The following PODNL1 variants were observed in gnomAD, a reference collection of about 807,000 sequenced individuals.
The protein encoded by PODNL1 is podocan like 1.
In PODNL1, 50 loss-of-function variants were observed where a neutral mutation model predicts 45.1. That is an observed-to-expected ratio of 1.11 (90% confidence interval 0.88 to 1.40). The LOEUF is 1.40. Among genes scored for constraint, PODNL1 ranks in the 40% most tolerant of loss-of-function variants. The probability of loss-of-function intolerance (pLI) is 0.00; values close to 1 mark genes in which losing one functional copy is unlikely to be tolerated. For synonymous variants in PODNL1, 406 were observed against 372.5 expected, an observed-to-expected ratio of 1.09 and a Z score of -1.04; for missense variants, 788 against 793.3, an observed-to-expected ratio of 0.99 and a Z score of 0.08.
chr19:13,941,755 G>A (rs1374264645), upstream of PODNL1, among the ~76,000 whole-genome samples: 1 of 152,204 alleles, frequency 6.6e-6, no homozygotes, highest in Non-Finnish European at 1.5e-5. Context: ...GGAGGTTGCA[G>A]TGAGCCGAGA....
chr19:13,950,691 G>C (rs553460632), intron 1 of PODNL1, among the ~76,000 whole-genome samples: 7 of 152,304 alleles, frequency 4.6e-5, no homozygotes, highest in African/African-American at 1.7e-4. Context: ...CTGTCTTGGA[G>C]ACAGCTTTGC....
At chr19:13,952,664 T>C (rs1452325576) in intron 1 of PODNL1, 2 of 994,484 alleles carry the variant, frequency 2.0e-6, no homozygotes, top group Non-Finnish European at 2.4e-6. Flanking sequence ...GGAGCCGGAG[T>C]GGGGAGCGCG....
Position 13,934,526 on chromosome 19 carries a change from T to TGC in PODNL1, c.495-118_495-117dup, listed in dbSNP as rs57996657. 7.6e-3 allele frequency: 6,824 copies of TGC among 897,390 alleles called. 115 individuals carry two copies. The highest frequency in any genetic ancestry group is 0.034 in the East Asian group (1,120 of 32,872). 55.6% of individuals were successfully genotyped at this position (897,390 alleles called of 1,614,324 possible). A position where few individuals can be genotyped will look rare whatever the true frequency, so the allele number is the denominator to read the frequency against. ...GTGTGTGTGTGTGTGTGTGTGTGTG[T>TGC]GCGCGCGCATGTGTGGAGTCTGTGT... On this transcript the variant is annotated intron_variant, in intron 5 of 9. Transcript: ENST00000588872.
chr19:13,940,883 C>CAAACAAAACAAAACA (rs57838976), upstream of PODNL1, among the ~76,000 whole-genome samples: 2 of 151,430 alleles, frequency 1.3e-5, no homozygotes, highest in African/African-American at 4.9e-5. Context: ...GACTCTGTCT[C>CAAACAAAACAAAACA]AAACAAAACA....
chr19:13,933,467 G>A lies in PODNL1; in HGVS notation c.768-12C>T, dbSNP rs1377140262. 10 of 1,548,626 alleles carry A rather than the reference G, an allele frequency of 6.5e-6. No homozygotes were observed. The highest frequency in any genetic ancestry group is 7.8e-6 in the Non-Finnish European group (9 of 1,149,956). On this transcript the variant is annotated splice_polypyrimidine_tract_variant and intron_variant, in intron 7 of 9. Transcript: ENST00000588872. The surrounding 1 kb of genome is among the most constrained non-coding windows in gnomAD (Gnocchi z 5.2). ...GGCTATGCAGCTTGCTGGAAGGAGA[G>A]AGGGTCGGTGTTAGGTGGGGCACTT...
upstream of PODNL1, among the ~76,000 whole-genome samples, chr19:13,942,908 G>A (rs918182371): frequency 2.0e-5 from 3 of 152,106 alleles, no homozygotes; most frequent in Non-Finnish European, 2.9e-5. Context: ...GGCTGAGGCA[G>A]GAGAATCGCT....
In PODNL1 at chr19:13,933,257, G is replaced by A. The variant is rs759960334; in HGVS notation, c.966C>T (p.Pro322=). ...CCCGCAGCGGCCGCAGAGCCCCGGC[G>A]GGCAGCCCTGAGCTCCCCAGCTGGT... The part of the protein sequence containing the change: ...QHNQLGSSGL[P]AGALRPLRGL... The change falls in exon 8 of 10, where the codon CCC becomes CCT. Residue 322 remains proline, a synonymous_variant. Coordinates refer to ENST00000588872, the MANE Select transcript of PODNL1 (RefSeq NM_001370095.3). This position sits in a 1 kb window ranked among gnomAD's most constrained non-coding sequence, Gnocchi z 5.2. 9.7e-6 allele frequency: 15 copies of A among 1,554,230 alleles called. No individual in the cohort carries two copies. Among genetic ancestry groups the A allele is most frequent in the African/African-American group, 4.1e-5 (3 of 73,906 alleles).
chr19:13,952,684 G>A (rs1973110786), intron 1 of PODNL1: 1 of 1,295,546 alleles, frequency 7.7e-7, no homozygotes, highest in East Asian at 3.1e-5. Context: ...GCCGGAGGGT[G>A]GGGAGTAGGG....
In PODNL1 at chr19:13,937,736, C is replaced by T. The variant is rs1048662596; in HGVS notation, c.225+49G>A. ...TGGGGCACCCCTCCAGCTCCCCTCA[C>T]CACTGGGTCTCAGCCCTGCATGCCC... On this transcript the variant is annotated intron_variant, in intron 2 of 9. Coordinates refer to ENST00000588872, the MANE Select transcript of PODNL1 (RefSeq NM_001370095.3). 2.0e-6 allele frequency: 3 copies of T among 1,520,772 alleles called. No individual in the cohort carries two copies. The East Asian group carries it at 7.4e-5, about 37-fold the overall frequency. The allele number at this position is 1,520,772 out of a possible 1,614,324, so 94.2% of individuals were successfully genotyped here. A position where few individuals can be genotyped will look rare whatever the true frequency, so the allele number is the denominator to read the frequency against.
rs2305778 is a variant in PODNL1 at position 13,933,474 on chromosome 19, G to A, written c.768-19C>T. 0.07 allele frequency: 107,220 copies of A among 1,533,248 alleles called. 4,235 individuals carry two copies. The highest frequency in any genetic ancestry group is 0.13 in the South Asian group (10,657 of 81,374). 95.0% of individuals were successfully genotyped at this position (1,533,248 alleles called of 1,614,324 possible). The stretch of plus-strand genomic sequence containing the variant: ...CAGCTTGCTGGAAGGAGAGAGGGTC[G>A]GTGTTAGGTGGGGCACTTGGAGTGG... On this transcript the variant is annotated intron_variant, in intron 7 of 9. Coordinates refer to ENST00000588872, the MANE Select transcript of PODNL1 (RefSeq NM_001370095.3). The surrounding 1 kb of genome is among the most constrained non-coding windows in gnomAD (Gnocchi z 5.2).
chr19:13,950,904 G>A (rs1345269062), intron 1 of PODNL1, among the ~76,000 whole-genome samples: 1 of 151,872 alleles, frequency 6.6e-6, no homozygotes, highest in Non-Finnish European at 1.5e-5. Context: ...GATTAGCCGG[G>A]CATGGTGGCA....
At chr19:13,936,280 C>T (rs535410581) in intron 3 of PODNL1, 87 bp downstream of exon 3, 19 of 1,322,568 alleles carry the variant, frequency 1.4e-5, no homozygotes, top group African/African-American at 1.0e-4. Flanking sequence ...CAGAGCTGCC[C>T]GCAGATGGGG....
chr19:13,942,115 T>C (rs557721190), upstream of PODNL1, among the ~76,000 whole-genome samples: 130 of 152,226 alleles, frequency 8.5e-4, no homozygotes, highest in African/African-American at 3.0e-3. Flanking sequence ...AACCAAGATG[T>C]TTGAGTTCCG....
intron 1 of PODNL1, among the ~76,000 whole-genome samples, chr19:13,951,013 C>T (rs1972994419): frequency 7.1e-6 from 1 of 141,222 alleles, no homozygotes; most frequent in Admixed American, 7.5e-5. Context: ...TGTGCCATTG[C>T]ACTCCAGCCT....
chr19:13,935,058 G>A (rs1281237902), intron 5 of PODNL1, among the ~76,000 whole-genome samples: 1 of 151,792 alleles, frequency 6.6e-6, no homozygotes, highest in African/African-American at 2.4e-5. Context: ...GAGTCTGTGT[G>A]TGTGCTTGTG....
At chr19:13,936,195 G>A in intron 3 of PODNL1, 151 bp from the exon 4 acceptor site, 4 of 949,734 alleles carry the variant, frequency 4.2e-6, no homozygotes, top group Non-Finnish European at 4.8e-6. Flanking sequence ...CTACTCAAAA[G>A]CCACAGCCCC....
rs754367853 is a variant in PODNL1, at chr19:13,933,097, C to T, written c.1126G>A (p.Gly376Ser). ...LGARDLVATP[G>S]LTELNLAYNR... ...TAGGCCAGGTTAAGCTCCGTCAGGC[C>T]CGGTGTGGCGACCAGGTCACGGGCA... Residue 376 changes from glycine (G) to serine (S), a missense_variant, in exon 8 of 10, where the codon GGC becomes AGC. Gly to Ser is a moderately conservative substitution (Grantham distance 56). Around this residue, in one of 3 missense-constraint regions of PODNL1, gnomAD observed 762 missense variants for 750.9 expected, o/e 1.01. Coordinates refer to ENST00000588872, the MANE Select transcript of PODNL1 (RefSeq NM_001370095.3). The surrounding 1 kb of genome is among the most constrained non-coding windows in gnomAD (Gnocchi z 5.2). 3.9e-6 allele frequency: 6 copies of T among 1,529,838 alleles called. No homozygotes were observed. In the African/African-American group the frequency reaches 8.2e-5, roughly 21 times the overall value. The allele number at this position is 1,529,838 out of a possible 1,614,324, so 94.8% of individuals were successfully genotyped here. A position where few individuals can be genotyped will look rare whatever the true frequency, so the allele number is the denominator to read the frequency against.
upstream of PODNL1, chr19:13,938,559 G>A (rs1226748146): frequency 2.4e-6 from 2 of 850,630 alleles, no homozygotes; most frequent in East Asian, 1.6e-4. Flanking sequence ...GCAGGAGTAG[G>A]GGTGGGGATG....
chr19:13,937,586 G>C (rs1028790180), intron 2 of PODNL1, among the ~76,000 whole-genome samples, 199 bp downstream of exon 2: 1 of 151,942 alleles, frequency 6.6e-6, no homozygotes, highest in Admixed American at 6.6e-5. Flanking sequence ...CTTCCAGCAT[G>C]TCCACGCTCA....
Sources: gnomAD v4.1 joint callset for allele counts (sites outside exome capture counted in the v4.1 genomes callset) on GRCh38, gnomAD v4.1.1 for gene constraint, gnomAD v4.1.1 regional missense constraint, Gnocchi (gnomAD v3.1) non-coding constraint, MANE v1.5 for transcripts, NCBI Gene and HGNC (gene_info 2026-07-23, HGNC 2026-07-21) for gene names.